Variants in GCC2 observed in about 807,000 individuals in gnomAD.
GCC2 encodes the protein GRIP and coiled-coil domain-containing protein 2.
A neutral mutation model predicts 210.6 loss-of-function variants in GCC2; 120 were observed. That is an observed-to-expected ratio of 0.57 (90% CI 0.49 to 0.66). GCC2 has a LOEUF of 0.66. GCC2 is among the 30% of genes least tolerant of loss of function. The pLI is 0.00. For synonymous variants in GCC2, 703 were observed against 652.7 expected (o/e 1.08, Z -1.17); for missense variants, 1,868 against 1,871.9 (o/e 1.00, Z 0.04).
At position 108,499,210 on chromosome 2, in the gene GCC2, A is replaced by G. The variant is rs541045305; in HGVS notation, c.4783-343A>G. 7.0e-4 allele frequency among the ~76,000 whole-genome samples: 106 copies of G among 151,598 alleles called. 1 individual carries two copies. The highest frequency in any genetic ancestry group is 2.3e-3 in the African/African-American group (96 of 41,270). On this transcript the variant is annotated intron_variant, in intron 21 of 22. Coordinates refer to ENST00000309863, the MANE Select transcript of GCC2 (RefSeq NM_181453.4). ...TATTAGCTTCTTGCCTTTCTACTTC[A>G]CCCCTCTTCCTTCCAACCCCAAATA...
chr2:108,490,902 CAGTA>C (rs756030968), intron 18 of GCC2, among the ~76,000 whole-genome samples: 7 of 152,114 alleles, frequency 4.6e-5, no homozygotes, highest in Non-Finnish European at 8.8e-5. Context: ...TTCAGTCTTT[CAGTA>C]AGTGTTTTTT....
chr2:108,457,013 GT>G (rs1489741395), intron 4 of GCC2, among the ~76,000 whole-genome samples: 2 of 149,422 alleles, frequency 1.3e-5, no homozygotes, highest in African/African-American at 4.9e-5. Flanking sequence ...GTCTGTTTTT[GT>G]TGCCTGGGCT....
In GCC2 at chr2:108,497,185, C is replaced by T. The variant is rs571332300; in HGVS notation, c.4782+76C>T. 479 of 1,606,198 alleles carry T rather than the reference C, an allele frequency of 3.0e-4. 1 individual carries two copies. The highest frequency in any genetic ancestry group is 3.6e-4 in the Non-Finnish European group (426 of 1,174,808). On this transcript the variant is annotated intron_variant, in intron 21 of 22. Transcript: ENST00000309863. ...GACCCTCCATACACATGCACGATCT[C>T]AGCTCACTGCAAGCTCCACCTCCCA...
Position 108,498,580 on chromosome 2 carries a change from G to C in GCC2, c.4783-973G>C, listed in dbSNP as rs1217897246. Among the ~76,000 whole-genome samples the C allele has an allele frequency of 2.0e-5, 3 of 152,058 alleles. 1 individual carries two copies. In the South Asian group the frequency reaches 6.2e-4, roughly 32 times the overall value. ...CTTTTTTAAATGGTCCTAGGTTTGA[G>C]GACAAAGTTCGCTAACTTTCTTGCC... On this transcript the variant is annotated intron_variant, in intron 21 of 22. Transcript: ENST00000309863.
intron 22 of GCC2, among the ~76,000 whole-genome samples, chr2:108,506,195 T>G (rs1275692145): frequency 1.3e-5 from 2 of 152,326 alleles, no homozygotes; most frequent in Non-Finnish European, 2.9e-5. Flanking sequence ...GAAACTTTCT[T>G]TAAAATTGCT....
At chr2:108,504,463 G>T (rs1026641220) in intron 22 of GCC2, among the ~76,000 whole-genome samples, 2 of 152,074 alleles carry the variant, frequency 1.3e-5, no homozygotes, top group African/African-American at 4.8e-5. Context: ...TCAGAGTAGC[G>T]TGTTACAACT....
At position 108,469,672 on chromosome 2, in the gene GCC2, G is replaced by A. The variant is rs757141762; in HGVS notation, c.343G>A (p.Asp115Asn). ...EVEDSVTKMGDAHKELEQSHI... is the reference protein window; with the variant it reads ...EVEDSVTKMGNAHKELEQSHI... ...ATAGGATTCTGTAACAAAGATGGGA[G>A]ATGCACATAAGGAGTTGGAACAATC... The change falls in exon 6 of 23, where the codon GAT becomes AAT. Residue 115 changes from aspartate to asparagine, a missense_variant. By Grantham distance (23) the Asp-to-Asn change is conservative. This residue lies in a region of GCC2 where 1,847 missense variants were observed against 1,765.2 expected (regional missense o/e 1.05). Coordinates refer to ENST00000309863, the MANE Select transcript of GCC2 (RefSeq NM_181453.4). 3.8e-6 allele frequency: 6 copies of A among 1,591,402 alleles called. No homozygotes were observed. The African/African-American group carries it at 8.2e-5, about 22-fold the overall frequency.
rs1368525082 is a variant in GCC2, at chr2:108,509,282, AT to A, written c.*1658del. On this transcript the variant is annotated 3_prime_UTR_variant, in exon 23 of 23. Transcript: ENST00000309863. ...TGCTTACGAATGTCATAACAAAATA[AT>A]TTTTTGCATGATAAAAAATTACTTT... 6.6e-6 allele frequency: 1 copy of A among 152,520 alleles called. No homozygotes were observed. The highest frequency in any genetic ancestry group is 6.6e-5 in the Admixed American group (1 of 15,252). 9.4% of individuals were successfully genotyped at this position (152,520 alleles called of 1,614,324 possible).
At position 108,471,106 on chromosome 2, in the gene GCC2, A is replaced by G; in HGVS notation, c.1777A>G (p.Thr593Ala). ...KELEGKINSLTEEKDDFINKL... is the reference protein window; with the variant it reads ...KELEGKINSLAEEKDDFINKL... ...ATTAGAAGGAAAGATAAATTCTCTTACTGAGGAAAAAGATGATTTTATAAA... is the reference window on the plus strand; with the variant it reads ...ATTAGAAGGAAAGATAAATTCTCTTGCTGAGGAAAAAGATGATTTTATAAA... Residue 593 changes from threonine to alanine, a missense_variant, in exon 6 of 23, where the codon ACT becomes GCT. By Grantham distance (58) the Thr-to-Ala change is moderately conservative (BLOSUM62 0). Around this residue, in one of 3 missense-constraint regions of GCC2, gnomAD observed 1,847 missense variants for 1,765.2 expected, o/e 1.05. Transcript: ENST00000309863. 6.3e-7 allele frequency: 1 copy of G among 1,583,518 alleles called. No individual in the cohort carries two copies.
intron 4 of GCC2, among the ~76,000 whole-genome samples, chr2:108,465,777 A>G (rs1255277046): frequency 1.3e-5 from 2 of 152,174 alleles, no homozygotes; most frequent in Middle Eastern, 3.2e-3. Context: ...ACTGTTTTCC[A>G]TAGAAGTTTG....
chr2:108,493,593 A>G (rs1682509294), intron 19 of GCC2: 3 of 985,352 alleles, frequency 3.0e-6, no homozygotes, highest in African/African-American at 3.5e-5. Context: ...TAGTTCAGCC[A>G]CACCCAGTAT....
Position 108,469,767 on chromosome 2 carries a change from T to C in GCC2, c.438T>C (p.Ser146=). 1.2e-6 allele frequency: 2 copies of C among 1,613,782 alleles called. No homozygotes were observed. The highest frequency in any genetic ancestry group is 1.7e-5 in the Admixed American group (1 of 60,006). ...NELMAVRSKY[S]EDKANLQKQL... Reference sequence around the variant, plus strand: ...TGATGGCAGTACGTTCCAAATACAGTGAAGACAAAGCTAACTTACAAAAGC... The same window carrying C: ...TGATGGCAGTACGTTCCAAATACAGCGAAGACAAAGCTAACTTACAAAAGC... Residue 146 remains serine, a synonymous_variant, in exon 6 of 23, where the codon AGT becomes AGC. Coordinates refer to ENST00000309863, the MANE Select transcript of GCC2 (RefSeq NM_181453.4).
intron 22 of GCC2, among the ~76,000 whole-genome samples, chr2:108,504,130 A>T (rs1683068849): frequency 6.6e-6 from 1 of 152,154 alleles, no homozygotes. Context: ...TTTAAAAAAA[A>T]ATTAAGAAAT....
At chr2:108,450,891 A>C (rs1679906244) in intron 2 of GCC2, 137 bp from the exon 3 acceptor site, 1 of 630,288 alleles carries the variant, frequency 1.6e-6, no homozygotes, top group Non-Finnish European at 2.8e-6. Flanking sequence ...CAAAAAAAAA[A>C]TGTGGAACAA....
At chr2:108,460,901 C>T (rs545690889) in intron 4 of GCC2, among the ~76,000 whole-genome samples, 18 of 152,152 alleles carry the variant, frequency 1.2e-4, no homozygotes, top group Non-Finnish European at 4.4e-5. Context: ...GTAGCATTTT[C>T]GCCTTCACTC....
At chr2:108,473,466 T>A (rs1191784318) in intron 7 of GCC2, 1 of 152,318 alleles carries the variant, frequency 6.6e-6, no homozygotes, top group Admixed American at 6.5e-5. Context: ...ACTAGGAAGT[T>A]CCTGGAGAGG....
chr2:108,487,089 A>G (rs369842875), intron 16 of GCC2, among the ~76,000 whole-genome samples: 1 of 152,282 alleles, frequency 6.6e-6, no homozygotes, highest in African/African-American at 2.4e-5. Context: ...CTGTTGTGGG[A>G]GTTTACAGAT....
chr2:108,491,709 T>G (rs1682409717), intron 18 of GCC2, among the ~76,000 whole-genome samples: 1 of 152,140 alleles, frequency 6.6e-6, no homozygotes. Flanking sequence ...TCTGACGGCT[T>G]TTGTATTTTT....
At chr2:108,482,206 C>T in intron 10 of GCC2, 81 bp from the exon 11 acceptor site, 1 of 775,334 alleles carries the variant, frequency 1.3e-6, no homozygotes, top group Non-Finnish European at 2.1e-6. Context: ...TGCCAATATT[C>T]TCATTAATGT....
Sources: allele counts gnomAD v4.1 joint callset (sites outside exome capture counted in the v4.1 genomes callset), GRCh38; gene constraint gnomAD v4.1.1; regional missense constraint gnomAD v4.1.1; transcripts MANE v1.5; gene names NCBI Gene and HGNC (gene_info 2026-07-23, HGNC 2026-07-21).